Variants in SARS2 observed in about 807,000 individuals in gnomAD.
SARS2 encodes seryl-tRNA synthetase 2, mitochondrial.
In SARS2, 52 loss-of-function variants were observed where a neutral mutation model predicts 66.8. The ratio of observed to expected loss-of-function variants is 0.78; its 90% CI spans 0.62 to 0.98. The LOEUF (loss-of-function observed/expected upper bound fraction) is 0.98, where lower values mean the gene tolerates loss of function less well. SARS2 is among the 50% of genes least tolerant of loss of function. The pLI, the probability that SARS2 is intolerant of heterozygous loss-of-function variation, is 0.00. For missense variants in SARS2, 673 were observed against 706.3 expected, an observed-to-expected ratio of 0.95 and a Z score of 0.53; for synonymous variants, 306 against 281.4, an observed-to-expected ratio of 1.09 and a Z score of -0.87.
In SARS2 at chr19:38,918,540, G is replaced by A. The variant is rs763039378; in HGVS notation, c.808-10C>T. 1.9e-6 allele frequency: 3 copies of A among 1,602,514 alleles called. No homozygotes were observed. The highest frequency in any genetic ancestry group is 1.7e-5 in the Admixed American group (1 of 59,990). On this transcript the variant is annotated splice_polypyrimidine_tract_variant and intron_variant, in intron 8 of 15. Transcript: ENST00000221431. ...TCATCCCACAGCCTTCCTGGGGGAG[G>A]AGGCCAGGCCACAGGGATCAGGGGA...
chr19:38,925,827 T>G (rs1011369206), intron 2 of SARS2, among the ~76,000 whole-genome samples: 1 of 152,136 alleles, frequency 6.6e-6, no homozygotes. Flanking sequence ...CGCTTGCTTA[T>G]TTATTTATTT....
In SARS2 at chr19:38,930,689, C is replaced by T. The variant is rs748402035; in HGVS notation, c.48G>A (p.Arg16=). Reference sequence around the variant, plus strand: ...TGCAGCCTCCCCGGGGCCGGAACCCCCGACGAGTCAGCAAAGGCCACAAGC... The same window carrying T: ...TGCAGCCTCCCCGGGGCCGGAACCCTCGACGAGTCAGCAAAGGCCACAAGC... The part of the protein sequence containing the change: ...ARRLWPLLTR[R]GFRPRGGCIS... Residue 16 remains arginine, a synonymous_variant, in exon 1 of 16, where the codon CGG becomes CGA. Coordinates refer to ENST00000221431, the MANE Select transcript of SARS2 (RefSeq NM_017827.4). 6.2e-7 allele frequency: 1 copy of T among 1,614,008 alleles called. No homozygotes were observed. The highest frequency in any genetic ancestry group is 1.1e-5 in the South Asian group (1 of 91,082).
At chr19:38,925,495 G>A (rs1364070774) in intron 2 of SARS2, among the ~76,000 whole-genome samples, 3 of 152,068 alleles carry the variant, frequency 2.0e-5, no homozygotes, top group Non-Finnish European at 4.4e-5. Context: ...AGTGTGGTGG[G>A]GGTCTGGGCC....
At chr19:38,920,314 A>G (rs1175582850) in intron 5 of SARS2, among the ~76,000 whole-genome samples, 165 bp from the exon 6 acceptor site, 2 of 151,712 alleles carry the variant, frequency 1.3e-5, no homozygotes, top group African/African-American at 4.8e-5. Flanking sequence ...GAAAGGGAAG[A>G]AAAGACAGAC....
rs147826882 is a variant in SARS2 at position 38,922,748 on chromosome 19, G to T, written c.364-481C>A. On this transcript the variant is annotated intron_variant, in intron 2 of 15. Transcript: ENST00000221431. Reference sequence around the variant, plus strand: ...AGATCTGATGGTTTAAAAGCATTTGGCAGTTACCCCCTGTGGCTGTCTCCA... The same window carrying T: ...AGATCTGATGGTTTAAAAGCATTTGTCAGTTACCCCCTGTGGCTGTCTCCA... 2.6e-3 allele frequency among the ~76,000 whole-genome samples: 396 copies of T among 152,190 alleles called. 2 individuals carry two copies. The highest frequency in any genetic ancestry group is 4.2e-3 in the Non-Finnish European group (283 of 68,012).
At chr19:38,917,897 C>A in intron 11 of SARS2, 24 bp downstream of exon 11, 1 of 1,613,290 alleles carries the variant, frequency 6.2e-7, no homozygotes, top group Non-Finnish European at 8.5e-7. Context: ...CACCCCAGCC[C>A]CGTTTAGTCC....
At chr19:38,926,076 G>A (rs1204739670) in intron 2 of SARS2, 129 bp downstream of exon 2, 7 of 796,526 alleles carry the variant, frequency 8.8e-6, no homozygotes, top group East Asian at 5.4e-5. Context: ...TAGGCCTCCC[G>A]AGTAGCTGGG....
intron 2 of SARS2, 136 bp downstream of exon 2, chr19:38,926,069 G>A (rs930404430): frequency 1.3e-6 from 1 of 753,310 alleles, no homozygotes; most frequent in Non-Finnish European, 2.3e-6. Flanking sequence ...ACCAACCTAG[G>A]CCTCCCGAGT....
intron 1 of SARS2, among the ~76,000 whole-genome samples, chr19:38,928,116 T>C (rs2144782605): frequency 6.7e-6 from 1 of 148,410 alleles, no homozygotes; most frequent in African/African-American, 2.5e-5. Context: ...CAGTGGCTCA[T>C]GCCTGTAATC....
At chr19:38,915,795 C>T in intron 15 of SARS2, 46 bp from the exon 16 acceptor site, 2 of 1,612,764 alleles carry the variant, frequency 1.2e-6, no homozygotes, top group Non-Finnish European at 1.7e-6. Context: ...CCCCAGCCCT[C>T]CCCGGCGCTG....
At chr19:38,930,346 G>C (rs1314213879) in intron 1 of SARS2, 124 bp downstream of exon 1, 1 of 1,279,022 alleles carries the variant, frequency 7.8e-7, no homozygotes, top group Non-Finnish European at 1.1e-6. Flanking sequence ...ACAAGACGTT[G>C]GCTAACTTGG....
intron 1 of SARS2, among the ~76,000 whole-genome samples, chr19:38,928,816 A>G (rs568014969): frequency 1.3e-5 from 2 of 152,338 alleles, no homozygotes; most frequent in South Asian, 4.1e-4. Flanking sequence ...CCTTCACAGC[A>G]TTTACCACAG....
rs763335001 is a variant in SARS2 at position 38,930,548 on chromosome 19, G to C, written c.189C>G (p.Phe63Leu). 1.9e-6 allele frequency: 3 copies of C among 1,613,770 alleles called. No homozygotes were observed. Among genetic ancestry groups the C allele is most frequent in the Non-Finnish European group, 2.5e-6 (3 of 1,180,010 alleles). ...SALPQLDIER[F>L]CACPEEAAHA... ...GTGCGGCCTCTTCTGGGCATGCGCA[G>C]AACCGCTCTATGTCCAGCTGAGGGA... The change falls in exon 1 of 16, where the codon TTC becomes TTG. Residue 63 changes from phenylalanine (F) to leucine (L), a missense_variant. Transcript: ENST00000221431.
chr19:38,929,401 A>G (rs1200939628), intron 1 of SARS2, among the ~76,000 whole-genome samples: 2 of 150,324 alleles, frequency 1.3e-5, no homozygotes, highest in Non-Finnish European at 3.0e-5. Flanking sequence ...CAAAAAATAC[A>G]AAAGTTTAGC....
intron 12 of SARS2, 98 bp from the exon 13 acceptor site, chr19:38,916,412 G>A (rs1600162494): frequency 6.4e-6 from 7 of 1,097,644 alleles, no homozygotes; most frequent in Non-Finnish European, 9.5e-6. Context: ...CCAAAAAGCA[G>A]GAAAAAGCCC....
At chr19:38,928,793 G>C (rs768082303) in intron 1 of SARS2, among the ~76,000 whole-genome samples, 4 of 152,160 alleles carry the variant, frequency 2.6e-5, no homozygotes, top group Admixed American at 1.3e-4. Context: ...CTCCCAGGCT[G>C]TCCTCCACTT....
chr19:38,930,272 A>G, intron 1 of SARS2, 198 bp downstream of exon 1: 1 of 667,688 alleles, frequency 1.5e-6, no homozygotes, highest in Admixed American at 3.0e-5. Context: ...CACAGTAGGC[A>G]TTCTTGGCAC....
intron 3 of SARS2, 133 bp downstream of exon 3, chr19:38,922,105 C>G (rs1317070556): frequency 6.3e-7 from 1 of 1,599,098 alleles, no homozygotes; most frequent in South Asian, 1.1e-5. Context: ...TTTCATGCAT[C>G]AATAGAGCCT....
chr19:38,916,585 A>AG lies in SARS2; in HGVS notation c.1161-272dup, dbSNP rs11450388. Among the ~76,000 whole-genome samples the AG allele has an allele frequency of 0.21, 32,339 of 150,468 alleles. 4,104 individuals carry two copies. The highest frequency in any genetic ancestry group is 0.35 in the South Asian group (1,649 of 4,752). On this transcript the variant is annotated intron_variant, in intron 12 of 15. Transcript: ENST00000221431. ...GGGAAGCACAAAAGAGGTTGATGGG[A>AG]GGGGAAAAAGGCACGTGGCAGGGTC...
Sources: allele counts gnomAD v4.1 joint callset (sites outside exome capture counted in the v4.1 genomes callset), GRCh38; gene constraint gnomAD v4.1.1; transcripts MANE v1.5; gene names NCBI Gene and HGNC (gene_info 2026-07-23, HGNC 2026-07-21).